Variants in ASTN2 observed in about 807,000 individuals in gnomAD.
ASTN2 encodes the protein astrotactin 2.
In ASTN2, 54 loss-of-function variants were observed where a neutral mutation model predicts 139.8. That is an observed-to-expected ratio of 0.39 (90% CI 0.31 to 0.48). The LOEUF is 0.48. ASTN2 is among the 20% of genes least tolerant of loss of function. The pLI is 0.95. For synonymous variants in ASTN2, 756 were observed against 719.5 expected (o/e 1.05, Z -0.81); for missense variants, 1,565 against 1,725.1 (o/e 0.91, Z 1.64).
At chr9:116,815,465 G>C (rs1020631518) in intron 12 of ASTN2, among the ~76,000 whole-genome samples, 1 of 151,946 alleles carries the variant, frequency 6.6e-6, no homozygotes, top group Admixed American at 6.6e-5. Flanking sequence ...CACCTTGAGG[G>C]CCTCAGTTTC....
chr9:117,178,861 G>A (rs549721667), intron 3 of ASTN2, among the ~76,000 whole-genome samples: 16 of 152,352 alleles, frequency 1.1e-4, no homozygotes, highest in African/African-American at 3.8e-4. Context: ...CAGCCAGGGT[G>A]TTCCTGGGCC....
At chr9:116,636,484 G>A (rs1231329902) in intron 17 of ASTN2, among the ~76,000 whole-genome samples, 2 of 152,116 alleles carry the variant, frequency 1.3e-5, no homozygotes. Flanking sequence ...AGACTAGCCT[G>A]GCCAACATGG....
intron 17 of ASTN2, among the ~76,000 whole-genome samples, chr9:116,632,182 GA>G (rs1856798218): frequency 6.3e-5 from 1 of 15,908 alleles, no homozygotes; most frequent in Non-Finnish European, 1.1e-4. Context: ...GAGAGAGAGA[GA>G]GGGAGAGAGA....
chr9:117,255,528 G>T (rs1203189081), intron 2 of ASTN2, among the ~76,000 whole-genome samples: 4 of 152,308 alleles, frequency 2.6e-5, no homozygotes, highest in Middle Eastern at 3.4e-3. Flanking sequence ...TAAACTGCAG[G>T]TTCTTTACTT....
chr9:116,638,864 T>C (rs559176667), intron 17 of ASTN2, among the ~76,000 whole-genome samples: 3 of 152,354 alleles, frequency 2.0e-5, no homozygotes, highest in South Asian at 2.1e-4. Flanking sequence ...TTTGATGATA[T>C]AGAGAAATTA....
At chr9:116,468,351 T>C (rs767078252) in intron 20 of ASTN2, among the ~76,000 whole-genome samples, 4 of 152,188 alleles carry the variant, frequency 2.6e-5, no homozygotes, top group Non-Finnish European at 5.9e-5. Flanking sequence ...TTATAGTACA[T>C]AGGACGTGTT....
At chr9:117,085,484 G>C (rs1205888179) in intron 5 of ASTN2, among the ~76,000 whole-genome samples, 5 of 152,168 alleles carry the variant, frequency 3.3e-5, no homozygotes, top group Non-Finnish European at 5.9e-5. Flanking sequence ...ATAGGCTCTC[G>C]ATAAACTGGG....
chr9:116,564,429 CTAA>C (rs1853080907), intron 19 of ASTN2, among the ~76,000 whole-genome samples: 1 of 152,198 alleles, frequency 6.6e-6, no homozygotes, highest in Non-Finnish European at 1.5e-5. Context: ...CATTCATTCT[CTAA>C]TGTCAGGTGC....
chr9:117,063,548 T>C (rs139451503), intron 5 of ASTN2, among the ~76,000 whole-genome samples: 1,770 of 152,334 alleles, frequency 0.012, 35 homozygotes, highest in African/African-American at 0.041. Context: ...CCCAGCCACA[T>C]GGAACTGTAA....
intron 19 of ASTN2, chr9:116,582,305 A>G (rs1183189963): frequency 1.3e-5 from 2 of 152,226 alleles, no homozygotes; most frequent in African/African-American, 4.8e-5. Context: ...TTTGAAGAGA[A>G]TGAGGGAAGG....
At chr9:117,391,690 C>T (rs1376562417) in intron 1 of ASTN2, among the ~76,000 whole-genome samples, 4 of 152,138 alleles carry the variant, frequency 2.6e-5, no homozygotes, top group East Asian at 1.9e-4. Context: ...CCATTCATGC[C>T]TTCCCAACAG....
chr9:117,182,154 A>T (rs1480766908), intron 3 of ASTN2, among the ~76,000 whole-genome samples: 1 of 151,764 alleles, frequency 6.6e-6, no homozygotes, highest in Non-Finnish European at 1.5e-5. Flanking sequence ...CCCTGCCCAC[A>T]CTTCCTGAGG....
At chr9:116,688,872 A>G (rs1215743936) in intron 16 of ASTN2, among the ~76,000 whole-genome samples, 1 of 147,996 alleles carries the variant, frequency 6.8e-6, no homozygotes, top group African/African-American at 2.4e-5. Flanking sequence ...AACAACAACA[A>G]CCACCAGAAA....
chr9:117,237,248 T>A (rs1051152127), intron 2 of ASTN2, among the ~76,000 whole-genome samples: 4 of 152,196 alleles, frequency 2.6e-5, no homozygotes, highest in Non-Finnish European at 1.5e-5. Flanking sequence ...ATTATCTATT[T>A]TTTTTTATAG....
At chr9:117,341,347 G>A (rs539516210) in intron 1 of ASTN2, among the ~76,000 whole-genome samples, 33 of 152,180 alleles carry the variant, frequency 2.2e-4, no homozygotes, top group African/African-American at 7.7e-4. Context: ...TTACACACAA[G>A]AGATGGAGAT....
At chr9:116,966,721 G>A (rs575397662) in intron 10 of ASTN2, among the ~76,000 whole-genome samples, 4 of 142,672 alleles carry the variant, frequency 2.8e-5, no homozygotes, top group Non-Finnish European at 6.2e-5. Context: ...AAAAAAAAAG[G>A]AGGGATGTGG....
intron 19 of ASTN2, among the ~76,000 whole-genome samples, chr9:116,532,702 T>A (rs12344852): frequency 0.014 from 2,063 of 152,316 alleles, 19 homozygotes; most frequent in African/African-American, 0.032. Context: ...GAGGGCTCTG[T>A]TCTGTTCCAT....
At chr9:117,302,912 A>G (rs956341358) in intron 1 of ASTN2, among the ~76,000 whole-genome samples, 2 of 152,190 alleles carry the variant, frequency 1.3e-5, no homozygotes, top group Non-Finnish European at 2.9e-5. Flanking sequence ...GAATCATATC[A>G]TGGTCCACTA....
At chr9:117,279,477 C>G (rs950242068) in intron 2 of ASTN2, among the ~76,000 whole-genome samples, 3 of 152,174 alleles carry the variant, frequency 2.0e-5, no homozygotes, top group Admixed American at 6.5e-5. Flanking sequence ...AACTATTACT[C>G]TCACCATTTT....
Sources: gnomAD v4.1 joint callset for allele counts (sites outside exome capture counted in the v4.1 genomes callset) on GRCh38, gnomAD v4.1.1 for gene constraint, MANE v1.5 for transcripts, NCBI Gene and HGNC (gene_info 2026-07-23, HGNC 2026-07-21) for gene names.